Variants in FBXL4 observed in about 807,000 individuals in gnomAD.
FBXL4 encodes F-box and leucine rich repeat protein 4.
Under a neutral mutation model 58.9 loss-of-function variants are expected in FBXL4, and 40 were observed. The observed-to-expected ratio is 0.68, with a 90% CI of 0.53 to 0.88. The LOEUF (loss-of-function observed/expected upper bound fraction) is 0.88, where lower values mean the gene tolerates loss of function less well. Among genes scored for constraint, FBXL4 ranks in the 40% least tolerant of loss-of-function variants. The pLI, the probability that FBXL4 is intolerant of heterozygous loss-of-function variation, is 0.00. For synonymous variants in FBXL4, 263 were observed against 265.5 expected, an observed-to-expected ratio of 0.99 and a Z score of 0.09; for missense variants, 676 against 734.4, an observed-to-expected ratio of 0.92 and a Z score of 0.92.
Position 98,868,985 on chromosome 6 carries a change from A to AT in FBXL4, c.*5292_*5293insA, listed in dbSNP as rs1374594338. On this transcript the variant is annotated 3_prime_UTR_variant, in exon 10 of 10. Transcript: ENST00000369244. The stretch of plus-strand genomic sequence containing the variant: ...CTTGGCCCCATCCCTACTTATAAAA[A>AT]ATATATAATAAATCATGATCTTTGA... 1 of 152,220 alleles carries AT rather than the reference A, an allele frequency of 6.6e-6. No individual in the cohort carries two copies. Among genetic ancestry groups the AT allele is most frequent in the Non-Finnish European group, 1.5e-5 (1 of 68,030 alleles). 9.4% of individuals were successfully genotyped at this position (152,220 alleles called of 1,614,324 possible). A position where few individuals can be genotyped will look rare whatever the true frequency, so the allele number is the denominator to read the frequency against.
chr6:98,918,158 T>C (rs1035642957), intron 4 of FBXL4, among the ~76,000 whole-genome samples: 2 of 152,198 alleles, frequency 1.3e-5, no homozygotes, highest in African/African-American at 4.8e-5. Context: ...TAGCCTCATA[T>C]AAATGCAAAA....
chr6:98,875,754 T>A, intron 8 of FBXL4, 27 bp from the exon 9 acceptor site: 8 of 1,603,842 alleles, frequency 5.0e-6, no homozygotes, highest in Non-Finnish European at 6.8e-6. Flanking sequence ...TCCAATCTTT[T>A]ACATGTTATG....
At chr6:98,894,313 A>C (rs1286089044) in intron 7 of FBXL4, among the ~76,000 whole-genome samples, 1 of 152,208 alleles carries the variant, frequency 6.6e-6, no homozygotes, top group African/African-American at 2.4e-5. Context: ...AAGTCCTTTA[A>C]ATCATTATAA....
rs754310110 is a variant in FBXL4, at chr6:98,927,020, A to G, written c.-32T>C. 3 of 1,599,202 alleles carry G rather than the reference A, an allele frequency of 1.9e-6. No individual in the cohort carries two copies. Among genetic ancestry groups the G allele is most frequent in the Non-Finnish European group, 2.6e-6 (3 of 1,171,030 alleles). On this transcript the variant is annotated 5_prime_UTR_variant, in exon 4 of 10. The change abolishes the stop of an existing upstream ORF in the 5' untranslated region. Transcript: ENST00000369244. ...GTGAATTATGAAGCTTCAAAAGGTC[A>G]GGTGTCCTCAGTAAGATGCATGAAC...
intron 5 of FBXL4, among the ~76,000 whole-genome samples, chr6:98,906,676 G>T (rs773656486): frequency 4.3e-4 from 66 of 152,000 alleles, no homozygotes; most frequent in Admixed American, 6.6e-4. Context: ...TAATCCTTGG[G>T]GTATATACCC....
intron 6 of FBXL4, among the ~76,000 whole-genome samples, chr6:98,899,696 C>T (rs567056597): frequency 1.7e-4 from 26 of 151,986 alleles, no homozygotes; most frequent in Admixed American, 5.2e-4. Flanking sequence ...AATGAATTCA[C>T]ATCATATAAA....
At chr6:98,893,237 T>C (rs1050755425) in intron 7 of FBXL4, among the ~76,000 whole-genome samples, 2 of 152,178 alleles carry the variant, frequency 1.3e-5, no homozygotes, top group Non-Finnish European at 2.9e-5. Context: ...CTATACAAGG[T>C]GTATTAGTTT....
chr6:98,945,851 T>C (rs776421710), intron 1 of FBXL4, among the ~76,000 whole-genome samples: 1 of 152,188 alleles, frequency 6.6e-6, no homozygotes, highest in African/African-American at 2.4e-5. Context: ...GCTGCTTCTC[T>C]ATGTAACTGT....
intron 1 of FBXL4, among the ~76,000 whole-genome samples, chr6:98,946,946 T>C (rs1773642907): frequency 6.6e-6 from 1 of 152,122 alleles, no homozygotes; most frequent in Non-Finnish European, 1.5e-5. Flanking sequence ...TATATACCTA[T>C]AGCTGAACTT....
chr6:98,874,179 A>T lies in FBXL4; in HGVS notation c.*99T>A. On this transcript the variant is annotated 3_prime_UTR_variant, in exon 10 of 10. Coordinates refer to ENST00000369244, the MANE Select transcript of FBXL4 (RefSeq NM_001278716.2). ...TTTCTTTAAAATCTACAAATGTCTTAATTCTTACCATTAAAACAACTAAAA... is the reference window on the plus strand; with the variant it reads ...TTTCTTTAAAATCTACAAATGTCTTTATTCTTACCATTAAAACAACTAAAA... 3 of 860,146 alleles carry T rather than the reference A, an allele frequency of 3.5e-6. No homozygotes were observed. The highest frequency in any genetic ancestry group is 5.1e-6 in the Non-Finnish European group (3 of 589,390). 53.3% of individuals were successfully genotyped at this position (860,146 alleles called of 1,614,324 possible).
chr6:98,927,069 A>G lies in FBXL4; in HGVS notation c.-72-9T>C. The G allele has an allele frequency of 5.8e-6, 8 of 1,390,512 alleles. No individual in the cohort carries two copies. The highest frequency in any genetic ancestry group is 6.9e-6 in the Non-Finnish European group (7 of 1,016,556). 86.1% of individuals were successfully genotyped at this position (1,390,512 alleles called of 1,614,324 possible). A position where few individuals can be genotyped will look rare whatever the true frequency, so the allele number is the denominator to read the frequency against. On this transcript the variant is annotated splice_polypyrimidine_tract_variant and intron_variant, in intron 3 of 9. Coordinates refer to ENST00000369244, the MANE Select transcript of FBXL4 (RefSeq NM_001278716.2). ...ACTCTTTGAAGGATGTTCTAAAAAA[A>G]TGAATGGCTTGGTGAAGTAAAATAA...
At chr6:98,899,169 T>C (rs1771511924) in intron 7 of FBXL4, 99 bp downstream of exon 7, 10 of 1,519,938 alleles carry the variant, frequency 6.6e-6, no homozygotes, top group Non-Finnish European at 8.8e-6. Context: ...ATAAACTTGA[T>C]TTAAAAATAA....
chr6:98,887,035 G>A (rs1179519230), intron 7 of FBXL4, among the ~76,000 whole-genome samples: 3 of 152,128 alleles, frequency 2.0e-5, no homozygotes, highest in African/African-American at 4.8e-5. Flanking sequence ...GACAGCTTGA[G>A]CCCAGGATTT....
chr6:98,889,907 A>G (rs1158178142), intron 7 of FBXL4, among the ~76,000 whole-genome samples: 1 of 152,162 alleles, frequency 6.6e-6, no homozygotes, highest in Non-Finnish European at 1.5e-5. Flanking sequence ...CATAAACTTT[A>G]TAACTTCCCA....
At chr6:98,914,797 T>C (rs1309475841) in intron 5 of FBXL4, among the ~76,000 whole-genome samples, 7 of 152,108 alleles carry the variant, frequency 4.6e-5, no homozygotes, top group Non-Finnish European at 1.0e-4. Context: ...CTATTCAACA[T>C]AGTGTTGGAA....
At chr6:98,927,140 T>C in intron 3 of FBXL4, 80 bp from the exon 4 acceptor site, 2 of 640,046 alleles carry the variant, frequency 3.1e-6, no homozygotes, top group South Asian at 2.6e-5. Context: ...GAACAGGCTC[T>C]ACCCTCAATG....
chr6:98,924,566 C>T (rs1268138059), intron 4 of FBXL4, among the ~76,000 whole-genome samples: 2 of 152,070 alleles, frequency 1.3e-5, no homozygotes, highest in Non-Finnish European at 2.9e-5. Context: ...CAAAACAAAA[C>T]AAAAGATCCT....
chr6:98,906,748 C>T (rs1771830644), intron 5 of FBXL4, among the ~76,000 whole-genome samples: 1 of 152,216 alleles, frequency 6.6e-6, no homozygotes, highest in Non-Finnish European at 1.5e-5. Context: ...AATCACCACA[C>T]TGTCTTCCAC....
chr6:98,905,354 T>G, intron 6 of FBXL4, 72 bp downstream of exon 6: 2 of 1,525,716 alleles, frequency 1.3e-6, no homozygotes, highest in Non-Finnish European at 1.8e-6. Context: ...ACTTTTATTA[T>G]GAAAACCACT....
Sources: allele counts gnomAD v4.1 joint callset (sites outside exome capture counted in the v4.1 genomes callset), GRCh38; gene constraint gnomAD v4.1.1; transcripts MANE v1.5; gene names NCBI Gene and HGNC (gene_info 2026-07-23, HGNC 2026-07-21).